CNTN5: variants seen among roughly 807,000 people sequenced by gnomAD.
CNTN5 encodes the protein contactin-5.
In CNTN5, 77 loss-of-function variants were observed where a neutral mutation model predicts 129.1. That is an observed-to-expected ratio of 0.60 (90% CI 0.50 to 0.72). CNTN5 has a LOEUF of 0.72. Ranked by LOEUF, CNTN5 falls within the 30% of genes least tolerant of loss-of-function variation. The pLI is 0.00. For missense variants in CNTN5, 1,478 were observed against 1,328.8 expected (o/e 1.11, Z -1.75); for synonymous variants, 509 against 465.6 (o/e 1.09, Z -1.20).
At chr11:100,344,929 A>G (rs1211722489) in intron 23 of CNTN5, among the ~76,000 whole-genome samples, 2 of 152,128 alleles carry the variant, frequency 1.3e-5, no homozygotes, top group Non-Finnish European at 2.9e-5. Flanking sequence ...ATATAATAAG[A>G]ACACTATAAA....
intron 3 of CNTN5, among the ~76,000 whole-genome samples, chr11:99,623,871 T>G (rs1951039953): frequency 6.6e-6 from 1 of 152,172 alleles, no homozygotes; most frequent in Non-Finnish European, 1.5e-5. Context: ...AAAACCTTTG[T>G]TTCTGACATA....
chr11:99,834,823 G>A (rs906148396), intron 4 of CNTN5, among the ~76,000 whole-genome samples: 1 of 152,118 alleles, frequency 6.6e-6, no homozygotes, highest in Non-Finnish European at 1.5e-5. Flanking sequence ...ACATATATAT[G>A]ATTTTATAAT....
chr11:99,035,726 T>C (rs994706382), intron 1 of CNTN5, among the ~76,000 whole-genome samples: 6 of 151,338 alleles, frequency 4.0e-5, no homozygotes, highest in African/African-American at 1.2e-4. Flanking sequence ...CTTTATCCAA[T>C]TTGCCAGTCT....
At chr11:99,144,829 C>T (rs534989302) in intron 1 of CNTN5, among the ~76,000 whole-genome samples, 124 of 151,658 alleles carry the variant, frequency 8.2e-4, no homozygotes, top group Non-Finnish European at 1.2e-3. Context: ...TTCTTTTTAT[C>T]GCCTGTCTGT....
At chr11:99,424,030 A>G (rs2135068093) in intron 2 of CNTN5, among the ~76,000 whole-genome samples, 1 of 152,296 alleles carries the variant, frequency 6.6e-6, no homozygotes, top group South Asian at 2.1e-4. Context: ...GCAAATATCT[A>G]ACACTGTGGA....
chr11:99,629,509 G>C (rs1221125312), intron 3 of CNTN5, among the ~76,000 whole-genome samples: 2 of 151,972 alleles, frequency 1.3e-5, no homozygotes, highest in East Asian at 3.9e-4. Flanking sequence ...CTTGTTCCTA[G>C]TCTATACAGT....
At chr11:99,677,820 T>G (rs1367296008) in intron 3 of CNTN5, among the ~76,000 whole-genome samples, 1 of 152,136 alleles carries the variant, frequency 6.6e-6, no homozygotes, top group African/African-American at 2.4e-5. Context: ...TCTGTTGACT[T>G]TTTTCAAAAA....
intron 3 of CNTN5, among the ~76,000 whole-genome samples, chr11:99,617,073 T>A (rs1429549661): frequency 1.3e-5 from 2 of 152,326 alleles, no homozygotes; most frequent in East Asian, 3.9e-4. Flanking sequence ...ATTGTGCCAT[T>A]GCACTCTAGC....
chr11:99,670,529 A>G (rs750195814), intron 3 of CNTN5, among the ~76,000 whole-genome samples: 10 of 152,198 alleles, frequency 6.6e-5, no homozygotes, highest in Middle Eastern at 3.2e-3. Context: ...CTTACTCTGC[A>G]TAAAATGATT....
chr11:99,032,708 T>G (rs933655025), intron 1 of CNTN5, among the ~76,000 whole-genome samples: 15 of 150,380 alleles, frequency 1.0e-4, no homozygotes, highest in African/African-American at 3.4e-4. Flanking sequence ...TTTCTCCCAT[T>G]TTGTAGGTTG....
intron 21 of CNTN5, among the ~76,000 whole-genome samples, chr11:100,324,887 G>A (rs944969438): frequency 2.0e-5 from 3 of 152,070 alleles, no homozygotes; most frequent in Admixed American, 6.6e-5. Context: ...TTTATTTTAT[G>A]TAACTCATTA....
intron 15 of CNTN5, among the ~76,000 whole-genome samples, chr11:100,213,519 T>A (rs1949077337): frequency 1.3e-5 from 2 of 152,300 alleles, no homozygotes. Context: ...TCCTCTTTCA[T>A]AAAATTCAAT....
chr11:99,309,804 TTTA>T (rs1667484748), intron 1 of CNTN5, among the ~76,000 whole-genome samples: 1 of 152,158 alleles, frequency 6.6e-6, no homozygotes, highest in Admixed American at 6.5e-5. Flanking sequence ...AAACAATTGT[TTTA>T]TTAAGTTTTT....
At chr11:99,272,531 A>C (rs1863224960) in intron 1 of CNTN5, among the ~76,000 whole-genome samples, 1 of 151,746 alleles carries the variant, frequency 6.6e-6, no homozygotes, top group African/African-American at 2.4e-5. Context: ...AGTGCACACC[A>C]CCATGCCCAG....
rs114411508 is a variant in CNTN5, at chr11:99,683,303, C to T, written c.55+127034C>T. On this transcript the variant is annotated intron_variant, in intron 3 of 24. Transcript: ENST00000524871. ...TTGCACTTTTTCATCTAGTCTCCAC[C>T]TCATATCATGTATCATTTGAGGTAG... Among the ~76,000 whole-genome samples the T allele has an allele frequency of 4.0e-3, 607 of 151,882 alleles. 5 individuals carry two copies. Among genetic ancestry groups the T allele is most frequent in the African/African-American group, 0.013 (529 of 41,464 alleles).
intron 3 of CNTN5, among the ~76,000 whole-genome samples, chr11:99,736,643 A>C (rs1943720419): frequency 6.6e-6 from 1 of 152,202 alleles, no homozygotes; most frequent in Non-Finnish European, 1.5e-5. Flanking sequence ...ATACCAGTTA[A>C]CCATGTATGT....
intron 1 of CNTN5, among the ~76,000 whole-genome samples, chr11:99,255,065 C>A (rs1426208877): frequency 6.6e-6 from 1 of 151,752 alleles, no homozygotes; most frequent in Non-Finnish European, 1.5e-5. Context: ...AGGGGTAAGG[C>A]CAATATTTGT....
intron 6 of CNTN5, among the ~76,000 whole-genome samples, chr11:99,873,579 A>G (rs556066940): frequency 6.6e-6 from 1 of 152,266 alleles, no homozygotes; most frequent in African/African-American, 2.4e-5. Flanking sequence ...ATTGGCATGG[A>G]TGCAGAAAAA....
intron 6 of CNTN5, among the ~76,000 whole-genome samples, chr11:99,865,382 A>C (rs1387159684): frequency 3.3e-5 from 5 of 152,086 alleles, no homozygotes; most frequent in Non-Finnish European, 7.4e-5. Context: ...GAGGAATTCA[A>C]ATATATGTGT....
Sources: allele counts gnomAD v4.1 joint callset (sites outside exome capture counted in the v4.1 genomes callset), GRCh38; gene constraint gnomAD v4.1.1; transcripts MANE v1.5; gene names NCBI Gene and HGNC (gene_info 2026-07-23, HGNC 2026-07-21).